LRRC49: variants seen among roughly 807,000 people sequenced by gnomAD.
The protein encoded by LRRC49 is leucine-rich repeat-containing protein 49.
Under a neutral mutation model 83.3 loss-of-function variants are expected in LRRC49, and 50 were observed. The observed-to-expected ratio is 0.60, with a 90% CI of 0.48 to 0.76. LRRC49 has a LOEUF of 0.76. LRRC49 is among the 30% of genes least tolerant of loss of function. The pLI, the probability that LRRC49 is intolerant of heterozygous loss-of-function variation, is 0.00. For synonymous variants in LRRC49, 286 were observed against 283.3 expected (o/e 1.01, Z -0.10); for missense variants, 704 against 809.1 (o/e 0.87, Z 1.58).
intron 5 of LRRC49, chr15:70,908,076 GT>G (rs2034393493): frequency 2.2e-6 from 1 of 452,544 alleles, no homozygotes; most frequent in Non-Finnish European, 4.5e-6. Context: ...AGAGCAAGAT[GT>G]TTGGTTGGTC....
rs1303863268 is a variant in LRRC49 at position 70,907,719 on chromosome 15, TA to T, written c.500+2966del. 2.8e-5 allele frequency: 8 copies of T among 280,842 alleles called. No homozygotes were observed. The East Asian group carries it at 6.6e-4, about 23-fold the overall frequency. 17.4% of individuals were successfully genotyped at this position (280,842 alleles called of 1,614,324 possible). ...GGTCTTTATCCTGGCATCAGTAACA[TA>T]ATGTGGCCTGCGGAGACAGGCTGTG... On this transcript the variant is annotated intron_variant, in intron 5 of 15. Transcript: ENST00000260382.
chr15:70,885,880 C>T (rs914259300), intron 2 of LRRC49, among the ~76,000 whole-genome samples: 35 of 152,220 alleles, frequency 2.3e-4, no homozygotes, highest in Non-Finnish European at 2.1e-4. Context: ...AAGTGCAGTA[C>T]GCACATTCAT....
Position 71,009,798 on chromosome 15 carries a change from T to A in LRRC49, c.1408-9T>A, listed in dbSNP as rs1280638008. On this transcript the variant is annotated splice_polypyrimidine_tract_variant and intron_variant, in intron 12 of 15. Transcript: ENST00000260382. ...TGTTCTGATCTGTATTTGTGTTTTA[T>A]CATTGCAGCACCTTAAATTCAAGGA... is the stretch of plus-strand genomic sequence containing the variant. 6.3e-7 allele frequency: 1 copy of A among 1,598,496 alleles called. No homozygotes were observed. Among genetic ancestry groups the A allele is most frequent in the Admixed American group, 1.7e-5 (1 of 59,234 alleles).
chr15:71,030,639 A>G (rs2039320705), intron 14 of LRRC49, among the ~76,000 whole-genome samples: 1 of 152,152 alleles, frequency 6.6e-6, no homozygotes, highest in South Asian at 2.1e-4. Context: ...TCACTCCTTC[A>G]CTTTCAGGTA....
At chr15:70,995,764 C>A (rs115943840) in intron 11 of LRRC49, among the ~76,000 whole-genome samples, 54 of 152,150 alleles carry the variant, frequency 3.5e-4, no homozygotes, top group African/African-American at 1.3e-3. Flanking sequence ...TCTAAAATAA[C>A]TTAAAATCAT....
In LRRC49 at chr15:70,942,033, A is replaced by ATTTGTGTGTGTGTG. The variant is rs1340541101; in HGVS notation, c.773+5212_773+5213insTTGTGTGTGTGTGT. Reference sequence around the variant, plus strand: ...CTCCATTTTTATTACTGTAAAGGTTATGTGTGTGTGTGTGTGTGTGTGTGT... The same window carrying ATTTGTGTGTGTGTG: ...CTCCATTTTTATTACTGTAAAGGTTATTTGTGTGTGTGTGTGTGTGTGTGTGTGTGTGTGTGTGT... On this transcript the variant is annotated intron_variant, in intron 8 of 15. Transcript: ENST00000260382. 3.8e-3 allele frequency among the ~76,000 whole-genome samples: 552 copies of ATTTGTGTGTGTGTG among 144,182 alleles called. 5 individuals carry two copies. Among genetic ancestry groups the ATTTGTGTGTGTGTG allele is most frequent in the African/African-American group, 0.013 (486 of 38,776 alleles). 94.6% of individuals were successfully genotyped at this position (144,182 alleles called of 152,430 possible). A position where few individuals can be genotyped will look rare whatever the true frequency, so the allele number is the denominator to read the frequency against.
At chr15:71,029,190 A>T (rs2039269765) in intron 14 of LRRC49, among the ~76,000 whole-genome samples, 2 of 152,072 alleles carry the variant, frequency 1.3e-5, no homozygotes, top group Admixed American at 1.3e-4. Flanking sequence ...TTGCTGCCTT[A>T]ATTTCATTAT....
intron 11 of LRRC49, among the ~76,000 whole-genome samples, chr15:71,003,897 C>G (rs906130657): frequency 6.6e-6 from 1 of 152,148 alleles, no homozygotes; most frequent in African/African-American, 2.4e-5. Flanking sequence ...CTAGTTGACA[C>G]TTTTGCAATG....
intron 15 of LRRC49, among the ~76,000 whole-genome samples, chr15:71,043,483 T>A (rs1462481157): frequency 6.6e-6 from 1 of 152,176 alleles, no homozygotes; most frequent in African/African-American, 2.4e-5. Flanking sequence ...GAAAAAGCAT[T>A]ACTCAAGGAG....
At chr15:70,973,696 T>C (rs1205813232) in intron 9 of LRRC49, among the ~76,000 whole-genome samples, 1 of 152,202 alleles carries the variant, frequency 6.6e-6, no homozygotes, top group Non-Finnish European at 1.5e-5. Flanking sequence ...AAGAGGAATC[T>C]AGAGAGGCAG....
At chr15:70,863,314 T>C (rs1014346771) in intron 1 of LRRC49, among the ~76,000 whole-genome samples, 5 of 152,242 alleles carry the variant, frequency 3.3e-5, no homozygotes, top group Admixed American at 6.5e-5. Context: ...AGCTGAAGTT[T>C]GGTGGCCACT....
At chr15:71,039,964 T>A (rs1251707691) in intron 15 of LRRC49, among the ~76,000 whole-genome samples, 1 of 152,168 alleles carries the variant, frequency 6.6e-6, no homozygotes, top group African/African-American at 2.4e-5. Flanking sequence ...CAGTATTGCA[T>A]AGGAAAAGAA....
At chr15:70,861,451 G>A (rs2032788389) in intron 1 of LRRC49, among the ~76,000 whole-genome samples, 1 of 113,630 alleles carries the variant, frequency 8.8e-6, no homozygotes, top group African/African-American at 2.8e-5. Context: ...CAGAAGAATA[G>A]CATTATCAGC....
intron 10 of LRRC49, 30 bp from the exon 11 acceptor site, chr15:70,984,064 T>G: frequency 6.3e-7 from 1 of 1,595,762 alleles, no homozygotes; most frequent in Non-Finnish European, 8.6e-7. Flanking sequence ...TTGCATTATA[T>G]AACTTTTGTC....
At chr15:70,962,696 C>G (rs1231757674) in intron 8 of LRRC49, among the ~76,000 whole-genome samples, 1 of 151,952 alleles carries the variant, frequency 6.6e-6, no homozygotes, top group East Asian at 1.9e-4. Flanking sequence ...AAAGCTGGAA[C>G]AATTTGAACA....
At chr15:70,949,914 G>GTA (rs1393510150) in intron 8 of LRRC49, among the ~76,000 whole-genome samples, 1 of 152,086 alleles carries the variant, frequency 6.6e-6, no homozygotes, top group African/African-American at 2.4e-5. Flanking sequence ...CATTACCAAG[G>GTA]TAGTGAGCAC....
intron 1 of LRRC49, among the ~76,000 whole-genome samples, chr15:70,862,807 C>T (rs1222370655): frequency 6.6e-6 from 1 of 152,116 alleles, no homozygotes; most frequent in Admixed American, 6.5e-5. Context: ...TCTCCAGGTG[C>T]AAGTAACCAG....
At chr15:70,974,855 C>A (rs1170476050) in intron 9 of LRRC49, among the ~76,000 whole-genome samples, 1 of 151,988 alleles carries the variant, frequency 6.6e-6, no homozygotes, top group Non-Finnish European at 1.5e-5. Context: ...GAAAAGTAAG[C>A]AGAATTTAAC....
chr15:71,008,338 C>A, intron 11 of LRRC49, 41 bp from the exon 12 acceptor site: 1 of 1,178,666 alleles, frequency 8.5e-7, no homozygotes, highest in Non-Finnish European at 1.3e-6. Context: ...AGGTATTCTG[C>A]ATGATATCTT....
Sources: allele counts gnomAD v4.1 joint callset (sites outside exome capture counted in the v4.1 genomes callset), GRCh38; gene constraint gnomAD v4.1.1; transcripts MANE v1.5; gene names NCBI Gene and HGNC (gene_info 2026-07-23, HGNC 2026-07-21).